Variants in RAD51C observed in about 807,000 individuals in gnomAD.
RAD51C encodes RAD51 paralog C, also known as DNA repair protein RAD51 homolog 3.
In RAD51C, 42 loss-of-function variants were observed where a neutral mutation model predicts 45.0. The ratio of observed to expected loss-of-function variants is 0.93; its 90% CI spans 0.73 to 1.21. The LOEUF (loss-of-function observed/expected upper bound fraction) is 1.21. Among genes scored for constraint, RAD51C ranks in the 50% most tolerant of loss-of-function variants. RAD51C has a pLI of 0.00. For missense variants in RAD51C, 474 were observed against 452.2 expected (o/e 1.05, Z -0.44); for synonymous variants, 172 against 159.8 (o/e 1.08, Z -0.58).
chr17:58,728,087 A>G (rs535021154), intron 7 of RAD51C, among the ~76,000 whole-genome samples: 1 of 152,092 alleles, frequency 6.6e-6, no homozygotes, highest in Admixed American at 6.5e-5. Context: ...TACTAAAAAT[A>G]CAAAAAAATT....
chr17:58,703,607 A>G (rs539632819), intron 4 of RAD51C, among the ~76,000 whole-genome samples: 1 of 152,316 alleles, frequency 6.6e-6, no homozygotes, highest in East Asian at 1.9e-4. Flanking sequence ...ATAGAAAGGT[A>G]TGAAATGAAA....
intron 7 of RAD51C, among the ~76,000 whole-genome samples, chr17:58,726,416 TTATATG>T (rs1256406377): frequency 9.6e-6 from 1 of 104,600 alleles, no homozygotes; most frequent in East Asian, 3.0e-4. Flanking sequence ...TATATATAGA[TTATATG>T]TATATATGTG....
chr17:58,708,428 C>G (rs1437339850), intron 4 of RAD51C, among the ~76,000 whole-genome samples: 3 of 152,052 alleles, frequency 2.0e-5, no homozygotes, highest in Admixed American at 1.3e-4. Flanking sequence ...ATATCATCCC[C>G]AATGCCTGGA....
Position 58,717,907 on chromosome 17 carries a change from C to T in RAD51C, c.838-2839C>T, listed in dbSNP as rs548004536. On this transcript the variant is annotated intron_variant, in intron 5 of 8. Coordinates refer to ENST00000337432, the MANE Select transcript of RAD51C (RefSeq NM_058216.3). ...GTATCTAATTGAGATCTAGATGGAT[C>T]ACAGATTTCTCCTTTGCGGTGAAAC... Among the ~76,000 whole-genome samples, 544 of 152,270 alleles carry T rather than the reference C, an allele frequency of 3.6e-3. 3 individuals carry two copies. Among genetic ancestry groups the T allele is most frequent in the Non-Finnish European group, 5.1e-3 (345 of 68,014 alleles).
At position 58,720,728 on chromosome 17, in the gene RAD51C, T is replaced by A. The variant is rs1567808119; in HGVS notation, c.838-18T>A. On this transcript the variant is annotated intron_variant, in intron 5 of 8. Coordinates refer to ENST00000337432, the MANE Select transcript of RAD51C (RefSeq NM_058216.3). ...TTCAAAGAGACTCACCTAATTTTCT[T>A]ACATTTTGTTTTTGTAGGTAATTTT... The A allele has an allele frequency of 6.3e-7, 1 of 1,589,938 alleles. No individual in the cohort carries two copies. The highest frequency in any genetic ancestry group is 1.7e-5 in the Admixed American group (1 of 59,916).
At chr17:58,699,038 G>A (rs937167990) in intron 3 of RAD51C, among the ~76,000 whole-genome samples, 1 of 151,620 alleles carries the variant, frequency 6.6e-6, no homozygotes, top group African/African-American at 2.4e-5. Flanking sequence ...ATGGAGTTGC[G>A]CTCTGTCACC....
chr17:58,715,717 T>G (rs2048710716), intron 5 of RAD51C, among the ~76,000 whole-genome samples: 1 of 152,162 alleles, frequency 6.6e-6, no homozygotes, highest in African/African-American at 2.4e-5. Context: ...TATATCACAT[T>G]TTGTTTATCT....
At chr17:58,710,197 T>C (rs2048508086) in intron 5 of RAD51C, among the ~76,000 whole-genome samples, 1 of 151,744 alleles carries the variant, frequency 6.6e-6, no homozygotes, top group South Asian at 2.1e-4. Context: ...TAATGGACTT[T>C]GTGGTTGAGC....
In RAD51C at chr17:58,734,354, G is replaced by A. The variant is rs888598147; in HGVS notation, c.*132G>A. 1.4e-6 allele frequency: 2 copies of A among 1,433,058 alleles called. No individual in the cohort carries two copies. The highest frequency in any genetic ancestry group is 2.9e-5 in the African/African-American group (2 of 69,676). The allele number at this position is 1,433,058 out of a possible 1,614,324, so 88.8% of individuals were successfully genotyped here. ...GAATCCAGATCATATGAAGTGAATG[G>A]GAAAAATACCTAAATATGATTCTGT... On this transcript the variant is annotated 3_prime_UTR_variant, in exon 9 of 9. Coordinates refer to ENST00000337432, the MANE Select transcript of RAD51C (RefSeq NM_058216.3).
At chr17:58,701,192 C>A (rs969622408) in intron 3 of RAD51C, among the ~76,000 whole-genome samples, 2 of 151,692 alleles carry the variant, frequency 1.3e-5, no homozygotes, top group African/African-American at 4.8e-5. Context: ...TGAGCCACCA[C>A]GCCTGGCTAA....
intron 7 of RAD51C, 194 bp from the exon 8 acceptor site, chr17:58,732,290 A>G (rs1414977284): frequency 1.0e-5 from 5 of 482,880 alleles, no homozygotes; most frequent in African/African-American, 1.9e-5. Flanking sequence ...AAAATTTCAT[A>G]TAAACTCTGT....
chr17:58,696,953 G>GT, intron 3 of RAD51C, 94 bp downstream of exon 3: 2 of 1,404,584 alleles, frequency 1.4e-6, no homozygotes, highest in Non-Finnish European at 2.0e-6. Flanking sequence ...CATTTGGAAT[G>GT]TGAAGCCTAA....
At chr17:58,696,529 CATT>C (rs1471403766) in intron 2 of RAD51C, among the ~76,000 whole-genome samples, 161 bp from the exon 3 acceptor site, 1 of 152,206 alleles carries the variant, frequency 6.6e-6, no homozygotes, top group Non-Finnish European at 1.5e-5. Context: ...GATTGGTTCA[CATT>C]ATATCTGGAG....
intron 7 of RAD51C, among the ~76,000 whole-genome samples, chr17:58,730,190 A>G: frequency 7.5e-6 from 1 of 133,106 alleles, no homozygotes; most frequent in African/African-American, 2.8e-5. Context: ...TTTGAGATGG[A>G]GTCTCGCCCT....
At chr17:58,713,472 CTG>C (rs1298219750) in intron 5 of RAD51C, among the ~76,000 whole-genome samples, 1 of 151,926 alleles carries the variant, frequency 6.6e-6, no homozygotes, top group African/African-American at 2.4e-5. Context: ...TCTTGAGTAA[CTG>C]AGACCACAGG....
At chr17:58,694,856 TAAAGAC>T in intron 1 of RAD51C, 69 bp from the exon 2 acceptor site, 2 of 1,318,472 alleles carry the variant, frequency 1.5e-6, no homozygotes, top group Non-Finnish European at 2.2e-6. Flanking sequence ...TACAAATTAA[TAAAGAC>T]AATCGATTAT....
intron 4 of RAD51C, among the ~76,000 whole-genome samples, chr17:58,704,942 T>C (rs1041888723): frequency 2.6e-5 from 4 of 151,506 alleles, no homozygotes; most frequent in African/African-American, 9.7e-5. Flanking sequence ...CCAGTCTGAC[T>C]AACATGGCAA....
rs1555594594 is a variant in RAD51C, at chr17:58,696,721, C to G, written c.433C>G (p.Pro145Ala). The change falls in exon 3 of 9, where the codon CCA (proline) becomes GCA (alanine). Residue 145 changes from proline to alanine, a missense_variant. Transcript: ENST00000337432. ...CMQLAVDVQI[P>A]ECFGGVAGEA... ...GCAGTTGGCAGTAGATGTGCAGATACCAGAATGTTTTGGAGGAGTGGCAGG... is the reference window on the plus strand; with the variant it reads ...GCAGTTGGCAGTAGATGTGCAGATAGCAGAATGTTTTGGAGGAGTGGCAGG... 2 of 1,614,086 alleles carry G rather than the reference C, an allele frequency of 1.2e-6. No homozygotes were observed. The highest frequency in any genetic ancestry group is 2.2e-5 in the South Asian group (2 of 91,088).
At chr17:58,719,763 C>G (rs576513827) in intron 5 of RAD51C, among the ~76,000 whole-genome samples, 2 of 143,122 alleles carry the variant, frequency 1.4e-5, no homozygotes, top group Non-Finnish European at 3.0e-5. Flanking sequence ...GAGTCTCACT[C>G]TGTTGCCCAG....
Sources: gnomAD v4.1 joint callset for allele counts (sites outside exome capture counted in the v4.1 genomes callset) on GRCh38, gnomAD v4.1.1 for gene constraint, MANE v1.5 for transcripts, NCBI Gene and HGNC (gene_info 2026-07-23, HGNC 2026-07-21) for gene names.